The following HBP1 variants were observed in gnomAD, a reference collection of about 807,000 sequenced individuals.
The protein encoded by HBP1 is HMG-box transcription factor 1.
In HBP1, 20 loss-of-function variants were observed where a neutral mutation model predicts 62.6. The observed-to-expected ratio is 0.32, with a 90% CI of 0.22 to 0.46. The LOEUF (loss-of-function observed/expected upper bound fraction) is 0.46, where lower values mean the gene tolerates loss of function less well. Ranked by LOEUF, HBP1 falls within the 20% of genes least tolerant of loss-of-function variation. The pLI, the probability that HBP1 is intolerant of heterozygous loss-of-function variation, is 1.00. For synonymous variants in HBP1, 232 were observed against 206.2 expected (o/e 1.12, Z -1.07); for missense variants, 480 against 611.8 (o/e 0.78, Z 2.27).
At chr7:107,196,911 C>T (rs565529225) in intron 9 of HBP1, 6 of 152,542 alleles carry the variant, frequency 3.9e-5, no homozygotes, top group Non-Finnish European at 8.8e-5. Context: ...AGTGCAAGAT[C>T]TACCTTTTAA....
intron 4 of HBP1, among the ~76,000 whole-genome samples, 183 bp from the exon 5 acceptor site, chr7:107,186,166 CTTTTTTTTTTTT>C (rs80124304): frequency 8.6e-6 from 1 of 116,138 alleles, no homozygotes; most frequent in South Asian, 2.7e-4. Flanking sequence ...CTTTTTTTTT[CTTTTTTTTTTTT>C]TTTTAGCAAA....
intron 8 of HBP1, 84 bp downstream of exon 8, chr7:107,190,401 G>A (rs1320673569): frequency 2.4e-6 from 2 of 845,688 alleles, no homozygotes; most frequent in Non-Finnish European, 1.8e-6. Flanking sequence ...CAGATATTTA[G>A]GAAGTTCAGT....
Position 107,171,959 on chromosome 7 carries a change from TA to T in HBP1, c.-16+2783del, listed in dbSNP as rs563312982. Among the ~76,000 whole-genome samples the T allele has an allele frequency of 4.6e-3, 687 of 150,888 alleles. 7 individuals are homozygous for T. Among genetic ancestry groups the T allele is most frequent in the African/African-American group, 0.016 (669 of 41,102 alleles). Reference sequence around the variant, plus strand: ...AATGGAAAAATAAATCACAATGAATTAAAAAAAAATTAAAGCTGCCAGATAC... The same window carrying T: ...AATGGAAAAATAAATCACAATGAATTAAAAAAAATTAAAGCTGCCAGATAC... On this transcript the variant is annotated intron_variant, in intron 1 of 10. Coordinates refer to ENST00000222574, the MANE Select transcript of HBP1 (RefSeq NM_012257.4).
At chr7:107,185,768 A>T in intron 3 of HBP1, 33 bp from the exon 4 acceptor site, 1 of 1,591,188 alleles carries the variant, frequency 6.3e-7, no homozygotes, top group South Asian at 1.1e-5. Context: ...TTAAGGACCT[A>T]TGCTTATGGT....
At chr7:107,195,302 G>A (rs1360954605) in intron 8 of HBP1, among the ~76,000 whole-genome samples, 6 of 152,200 alleles carry the variant, frequency 3.9e-5, no homozygotes, top group Admixed American at 2.0e-4. Flanking sequence ...GATTACAGGC[G>A]TGAGCCACCA....
intron 3 of HBP1, among the ~76,000 whole-genome samples, chr7:107,185,114 A>G (rs1248625187): frequency 6.6e-6 from 1 of 152,030 alleles, no homozygotes. Flanking sequence ...CTCTAAAGGG[A>G]GCATTGTCTG....
chr7:107,195,711 A>G, intron 8 of HBP1, 123 bp from the exon 9 acceptor site: 3 of 477,196 alleles, frequency 6.3e-6, no homozygotes, highest in Non-Finnish European at 1.1e-5. Flanking sequence ...GTAACATGAT[A>G]TAGGGGGAAA....
At chr7:107,176,453 A>G (rs182876309) in intron 1 of HBP1, among the ~76,000 whole-genome samples, 1 of 152,336 alleles carries the variant, frequency 6.6e-6, no homozygotes, top group East Asian at 1.9e-4. Flanking sequence ...TGCAACTAAT[A>G]CAATGCCCTG....
rs1797162527 is a variant in HBP1, at chr7:107,182,588, T to C, written c.385T>C (p.Ser129Pro). 6.4e-7 allele frequency: 1 copy of C among 1,559,940 alleles called. No individual in the cohort carries two copies. The highest frequency in any genetic ancestry group is 1.4e-5 in the African/African-American group (1 of 73,974). Residue 129 changes from serine to proline, a missense_variant, in exon 3 of 11, where the codon TCA becomes CCA. Transcript: ENST00000222574. The part of the protein sequence containing the change: ...TSPQSPLMQC[S>P]FYNRSSPVHI... ...TCCACAAAGTCCACTGATGCAGTGC[T>C]CATTTTACAATAGGTAGGAGCATTT...
At chr7:107,171,099 C>G (rs1174027958) in intron 1 of HBP1, among the ~76,000 whole-genome samples, 21 of 89,008 alleles carry the variant, frequency 2.4e-4, no homozygotes, top group Admixed American at 1.4e-3. Context: ...GAGAGGGAGT[C>G]TCGCTCTGTC....
chr7:107,174,266 A>G (rs1260618433), intron 1 of HBP1, among the ~76,000 whole-genome samples: 2 of 152,212 alleles, frequency 1.3e-5, no homozygotes, highest in South Asian at 2.1e-4. Context: ...CTCTTACTGT[A>G]TGGTAGCTTT....
intron 9 of HBP1, 62 bp from the exon 10 acceptor site, chr7:107,200,098 A>G: frequency 1.5e-6 from 2 of 1,319,542 alleles, no homozygotes; most frequent in Non-Finnish European, 2.1e-6. Context: ...AAGTAGCAGC[A>G]CTTGACATGA....
chr7:107,181,650 C>G lies in HBP1; in HGVS notation c.170-723C>G, dbSNP rs117877169. Among the ~76,000 whole-genome samples, 868 of 150,300 alleles carry G rather than the reference C, an allele frequency of 5.8e-3. 8 individuals are homozygous for G. The highest frequency in any genetic ancestry group is 0.01 in the Non-Finnish European group (687 of 67,650). The stretch of plus-strand genomic sequence containing the variant: ...TTGTGGAGTTTGTAGGTATGTGTTT[C>G]GTGGAGAGTTTTTTTTTTTAAGCCT... On this transcript the variant is annotated intron_variant, in intron 2 of 10. Coordinates refer to ENST00000222574, the MANE Select transcript of HBP1 (RefSeq NM_012257.4).
chr7:107,175,285 C>G (rs1323194326), intron 1 of HBP1, among the ~76,000 whole-genome samples: 1 of 151,850 alleles, frequency 6.6e-6, no homozygotes, highest in Non-Finnish European at 1.5e-5. Flanking sequence ...TGAAGGTTTG[C>G]TTTGTGTTAG....
At chr7:107,171,046 A>AATAT (rs374693805) in intron 1 of HBP1, among the ~76,000 whole-genome samples, 2,635 of 60,490 alleles carry the variant, frequency 0.044, 237 homozygotes, top group Non-Finnish European at 0.064. Context: ...TACATGTATA[A>AATAT]ATATATATAT....
chr7:107,190,369 A>C (rs1347110535), intron 8 of HBP1, 52 bp downstream of exon 8: 1 of 1,269,190 alleles, frequency 7.9e-7, no homozygotes, highest in Non-Finnish European at 1.1e-6. Flanking sequence ...TTTGCCCTTC[A>C]TTTCCCTAAT....
Position 107,201,494 on chromosome 7 carries a change from TAAG to T in HBP1, c.*68_*70del, listed in dbSNP as rs1477737867. ...TACATTGACTCTTGATGGAAAGACT[TAAG>T]AAGATCAAGGTCTCACCATTTGTCC... On this transcript the variant is annotated 3_prime_UTR_variant, in exon 11 of 11. Transcript: ENST00000222574. 25 of 1,051,608 alleles carry T rather than the reference TAAG, an allele frequency of 2.4e-5. No individual in the cohort carries two copies. The highest frequency in any genetic ancestry group is 9.6e-5 in the East Asian group (4 of 41,774). 65.1% of individuals were successfully genotyped at this position (1,051,608 alleles called of 1,614,324 possible).
chr7:107,183,040 A>G (rs2115866894), intron 3 of HBP1, among the ~76,000 whole-genome samples: 1 of 152,322 alleles, frequency 6.6e-6, no homozygotes, highest in East Asian at 1.9e-4. Context: ...TAATTCTAAA[A>G]TTTGCTAATA....
chr7:107,170,415 T>C (rs539602517), intron 1 of HBP1, among the ~76,000 whole-genome samples: 1 of 152,172 alleles, frequency 6.6e-6, no homozygotes, highest in East Asian at 1.9e-4. Context: ...ATGTATGTCT[T>C]GTACTTTTGG....
Sources: allele counts gnomAD v4.1 joint callset (sites outside exome capture counted in the v4.1 genomes callset), GRCh38; gene constraint gnomAD v4.1.1; transcripts MANE v1.5; gene names NCBI Gene and HGNC (gene_info 2026-07-23, HGNC 2026-07-21).